The following RHOU variants were observed in gnomAD, a reference collection of about 807,000 sequenced individuals.
RHOU encodes rho-related GTP-binding protein RhoU.
A neutral mutation model predicts 12.6 loss-of-function variants in RHOU; 8 were observed. The observed-to-expected ratio is 0.64, with a 90% confidence interval of 0.37 to 1.15. RHOU has a LOEUF of 1.15. Among genes scored for constraint, RHOU ranks in the 50% most tolerant of loss-of-function variants. The pLI is 0.01. For missense variants in RHOU, 258 were observed against 347.0 expected (o/e 0.74, Z 2.04); for synonymous variants, 161 against 147.4 (o/e 1.09, Z -0.67).
chr1:228,647,267 G>A, the RHOU span, among the ~76,000 whole-genome samples: 2 of 152,176 alleles, frequency 1.3e-5, no homozygotes, highest in Non-Finnish European at 1.5e-5. Context: ...TTCTTTCTTG[G>A]CACCTCACTG....
chr1:228,735,182 C>T (rs1163116161), upstream of RHOU: 2 of 152,340 alleles, frequency 1.3e-5, no homozygotes, highest in East Asian at 3.9e-4. The surrounding 1 kb of genome is among the most constrained non-coding windows in gnomAD (Gnocchi z 8.1). Flanking sequence ...CTCTTGGGAG[C>T]TGGGGAGGAG....
chr1:228,732,130 G>A (rs1056484826), upstream of RHOU, among the ~76,000 whole-genome samples: 46 of 151,874 alleles, frequency 3.0e-4, no homozygotes, highest in African/African-American at 1.0e-3. Context: ...TTGCAGAACC[G>A]TCAAGTTCAA....
the RHOU span, among the ~76,000 whole-genome samples, chr1:228,715,822 A>T: frequency 9.5e-6 from 1 of 104,990 alleles, no homozygotes; most frequent in African/African-American, 5.9e-5. Context: ...TTATTTTATA[A>T]TTGTGGTGGA....
the RHOU span, among the ~76,000 whole-genome samples, chr1:228,700,119 A>C: frequency 6.6e-6 from 1 of 152,202 alleles, no homozygotes; most frequent in Non-Finnish European, 1.5e-5. Context: ...CCAGGTAGCC[A>C]TCCAGGTTCT....
At chr1:228,686,314 A>G in the RHOU span, among the ~76,000 whole-genome samples, 5 of 152,210 alleles carry the variant, frequency 3.3e-5, no homozygotes, top group Non-Finnish European at 5.9e-5. Flanking sequence ...TTATTATAAT[A>G]AAGAGTTTCT....
the RHOU span, among the ~76,000 whole-genome samples, chr1:228,710,495 C>A: frequency 6.6e-6 from 1 of 151,440 alleles, no homozygotes; most frequent in Admixed American, 6.6e-5. Flanking sequence ...GGGATGCAAG[C>A]CTGGTTCAAT....
Position 228,735,934 on chromosome 1 carries a change from C to T in RHOU, c.192C>T (p.Ser64=), listed in dbSNP as rs372361240. 4.6e-5 allele frequency: 73 copies of T among 1,573,850 alleles called. No individual in the cohort carries two copies. The African/African-American group carries it at 8.6e-4, about 18-fold the overall frequency. The change falls in exon 1 of 3, where the codon AGC becomes AGT. Residue 64 remains serine (S), a synonymous_variant. Coordinates refer to ENST00000366691, the MANE Select transcript of RHOU (RefSeq NM_021205.6). The surrounding 1 kb of genome is among the most constrained non-coding windows in gnomAD (Gnocchi z 8.1). ...GCGACGGCGCGGTGGGCAAGACGAG[C>T]CTGGTGGTGAGCTACACCACCAACG... ...LVGDGAVGKT[S]LVVSYTTNGY...
the RHOU span, among the ~76,000 whole-genome samples, chr1:228,679,788 T>C: frequency 0.04 from 6,126 of 151,904 alleles, 349 homozygotes; most frequent in African/African-American, 0.13. Flanking sequence ...TCATCCATCC[T>C]CAAGGAGGGA....
At chr1:228,687,797 C>T in the RHOU span, 6 of 1,332,900 alleles carry the variant, frequency 4.5e-6, no homozygotes, top group Non-Finnish European at 6.4e-6. Context: ...TAGACAAGCA[C>T]ACCCTGGGGG....
At chr1:228,659,358 A>G in the RHOU span, among the ~76,000 whole-genome samples, 1 of 152,152 alleles carries the variant, frequency 6.6e-6, no homozygotes. Context: ...AGCCTGGGCA[A>G]CAAGAGTGAA....
chr1:228,698,020 T>C, the RHOU span, among the ~76,000 whole-genome samples: 4 of 152,334 alleles, frequency 2.6e-5, no homozygotes, highest in East Asian at 7.7e-4. Context: ...AGACATTCTG[T>C]GGGTGGTTTG....
rs1662600931 is a variant in RHOU at position 228,736,014 on chromosome 1, C to T, written c.262+10C>T. 7 of 1,570,082 alleles carry T rather than the reference C, an allele frequency of 4.5e-6. No individual in the cohort carries two copies. The South Asian group carries it at 5.6e-5, about 13-fold the overall frequency. ...TTCGACAACTTCTCCGGTGAGCTGG[C>T]CGGGGGGCCGGGGCCGGGGGCGCGT... On this transcript the variant is annotated intron_variant, in intron 1 of 2. Transcript: ENST00000366691.
At chr1:228,678,708 G>A in the RHOU span, among the ~76,000 whole-genome samples, 2 of 152,106 alleles carry the variant, frequency 1.3e-5, no homozygotes, top group Admixed American at 6.5e-5. Flanking sequence ...GTGAGGGCTC[G>A]AGTTAAGGCA....
At chr1:228,723,341 A>G in the RHOU span, among the ~76,000 whole-genome samples, 1 of 152,238 alleles carries the variant, frequency 6.6e-6, no homozygotes, top group Non-Finnish European at 1.5e-5. Context: ...CCAGCCAGGT[A>G]TATACAGAGG....
At chr1:228,660,420 C>T in the RHOU span, among the ~76,000 whole-genome samples, 1 of 151,616 alleles carries the variant, frequency 6.6e-6, no homozygotes, top group East Asian at 1.9e-4. Context: ...ATTAATCCTT[C>T]TTAATCCCTT....
the RHOU span, among the ~76,000 whole-genome samples, chr1:228,703,050 C>T: frequency 6.6e-6 from 1 of 152,022 alleles, no homozygotes; most frequent in Non-Finnish European, 1.5e-5. Flanking sequence ...TTGCTCAAAC[C>T]AAGGGAAAAG....
the RHOU span, among the ~76,000 whole-genome samples, chr1:228,681,571 G>T: frequency 6.6e-6 from 1 of 152,114 alleles, no homozygotes; most frequent in Non-Finnish European, 1.5e-5. Flanking sequence ...TGGACGTAAG[G>T]CACCTCAGAC....
chr1:228,707,240 T>TAC, the RHOU span, among the ~76,000 whole-genome samples: 9 of 78,174 alleles, frequency 1.2e-4, no homozygotes, highest in Admixed American at 5.4e-4. Context: ...CATATGTATA[T>TAC]ATATATATAT....
intron 2 of RHOU, among the ~76,000 whole-genome samples, chr1:228,739,587 G>A (rs1305590575): frequency 6.6e-6 from 1 of 152,160 alleles, no homozygotes; most frequent in Non-Finnish European, 1.5e-5. Flanking sequence ...ACAGGCAGAG[G>A]AACATGTCAG....
Sources: gnomAD v4.1 joint callset for allele counts (sites outside exome capture counted in the v4.1 genomes callset) on GRCh38, gnomAD v4.1.1 for gene constraint, Gnocchi (gnomAD v3.1) non-coding constraint, MANE v1.5 for transcripts, NCBI Gene and HGNC (gene_info 2026-07-23, HGNC 2026-07-21) for gene names.